Variants in CDH22 observed in about 807,000 individuals in gnomAD.
CDH22 encodes the protein cadherin-22.
A neutral mutation model predicts 58.4 loss-of-function variants in CDH22; 30 were observed. The observed-to-expected ratio is 0.51, with a 90% confidence interval of 0.38 to 0.70. The LOEUF (loss-of-function observed/expected upper bound fraction) is 0.70. Among genes scored for constraint, CDH22 ranks in the 30% least tolerant of loss-of-function variants. The probability of loss-of-function intolerance (pLI) is 0.00; values close to 1 mark genes in which losing one functional copy is unlikely to be tolerated. For synonymous variants in CDH22, 513 were observed against 558.2 expected, an observed-to-expected ratio of 0.92 and a Z score of 1.14; for missense variants, 1,014 against 1,233.9, an observed-to-expected ratio of 0.82 and a Z score of 2.67.
At chr20:46,232,163 T>C (rs369303972) in intron 3 of CDH22, among the ~76,000 whole-genome samples, 153 of 152,162 alleles carry the variant, frequency 1.0e-3, no homozygotes, top group African/African-American at 3.6e-3. Context: ...CCAGAATTCT[T>C]TTTTTTTCTT....
At chr20:46,187,033 C>T in intron 8 of CDH22, 86 bp from the exon 9 acceptor site, 1 of 1,358,740 alleles carries the variant, frequency 7.4e-7, no homozygotes, top group Non-Finnish European at 9.9e-7. Flanking sequence ...CAATAGTAGG[C>T]AGTGGGGTCA....
At chr20:46,250,586 G>T (rs1045259675) in intron 2 of CDH22, among the ~76,000 whole-genome samples, 1 of 152,216 alleles carries the variant, frequency 6.6e-6, no homozygotes, top group Non-Finnish European at 1.5e-5. Context: ...AAGAGCAACG[G>T]AAGGGCAGTG....
At chr20:46,282,169 T>C (rs1421329938) in intron 1 of CDH22, among the ~76,000 whole-genome samples, 1 of 152,190 alleles carries the variant, frequency 6.6e-6, no homozygotes, top group Non-Finnish European at 1.5e-5. Context: ...GCCTGCACCA[T>C]GGTTGGCAAA....
chr20:46,293,276 A>C (rs1285722029), intron 1 of CDH22, among the ~76,000 whole-genome samples: 1 of 152,104 alleles, frequency 6.6e-6, no homozygotes, highest in Non-Finnish European at 1.5e-5. Context: ...GCAACCAGAC[A>C]CTTTATAAAA....
intron 3 of CDH22, among the ~76,000 whole-genome samples, chr20:46,231,003 G>A (rs1287870082): frequency 6.6e-6 from 1 of 152,192 alleles, no homozygotes; most frequent in Admixed American, 6.5e-5. Context: ...CAGAGAGAGG[G>A]AGGACTCAGA....
chr20:46,181,007 T>C (rs1156573426), intron 10 of CDH22, among the ~76,000 whole-genome samples: 1 of 151,388 alleles, frequency 6.6e-6, no homozygotes, highest in African/African-American at 2.4e-5. Context: ...GGTCTCGAAC[T>C]CCTGGGGCTC....
At position 46,195,427 on chromosome 20, in the gene CDH22, A is replaced by T. The variant is rs2085892255; in HGVS notation, c.1423+3996T>A. On this transcript the variant is annotated intron_variant, in intron 8 of 11. Coordinates refer to ENST00000537909, the MANE Select transcript of CDH22 (RefSeq NM_021248.3). The stretch of plus-strand genomic sequence containing the variant: ...GAAGGGAAAAGCAGGGTGCTGTGAG[A>T]CGTGACTTGGCCTGGGGTGACCCAG... Among the ~76,000 whole-genome samples the T allele has an allele frequency of 2.0e-5, 3 of 152,212 alleles. No individual in the cohort carries two copies. In the South Asian group the frequency reaches 6.2e-4, roughly 32 times the overall value.
intron 3 of CDH22, among the ~76,000 whole-genome samples, chr20:46,233,054 T>C (rs1036036092): frequency 5.3e-5 from 8 of 151,848 alleles, no homozygotes; most frequent in African/African-American, 1.7e-4. Flanking sequence ...AGAGGTTAAG[T>C]AGGAAACCAG....
chr20:46,236,521 A>AG (rs2086252820), intron 3 of CDH22, among the ~76,000 whole-genome samples: 1 of 141,386 alleles, frequency 7.1e-6, no homozygotes, highest in Non-Finnish European at 1.5e-5. Context: ...AATTATATAT[A>AG]ATATATAATA....
In CDH22 at chr20:46,174,395, G is replaced by A. The variant is rs2145638729; in HGVS notation, c.*111C>T. 4.2e-6 allele frequency: 3 copies of A among 722,516 alleles called. No homozygotes were observed. Among genetic ancestry groups the A allele is most frequent in the African/African-American group, 3.8e-5 (2 of 52,520 alleles). 44.8% of individuals were successfully genotyped at this position (722,516 alleles called of 1,614,324 possible). ...GTCCCCCCTCCGTCCAGCCGCCAAG[G>A]GAGGGTTGGGGGAGGGCAGGAAAGG... On this transcript the variant is annotated 3_prime_UTR_variant, in exon 12 of 12. Coordinates refer to ENST00000537909, the MANE Select transcript of CDH22 (RefSeq NM_021248.3). This position sits in a 1 kb window ranked among gnomAD's most constrained non-coding sequence, Gnocchi z 4.4.
intron 11 of CDH22, 142 bp downstream of exon 11, chr20:46,177,804 G>A (rs2085751651): frequency 9.2e-7 from 1 of 1,085,778 alleles, no homozygotes; most frequent in East Asian, 2.4e-5. Flanking sequence ...GGGGCTGCTT[G>A]TTAGAGCTTG....
At chr20:46,303,999 C>T (rs1006018407) in intron 1 of CDH22, among the ~76,000 whole-genome samples, 8 of 151,980 alleles carry the variant, frequency 5.3e-5, no homozygotes, top group African/African-American at 1.2e-4. Context: ...GAGAAGGGAT[C>T]GCGAGATGGA....
chr20:46,221,813 C>T lies in CDH22; in HGVS notation c.671-4820G>A, dbSNP rs183169788. Among the ~76,000 whole-genome samples, 3 of 152,270 alleles carry T rather than the reference C, an allele frequency of 2.0e-5. No individual in the cohort carries two copies. The East Asian group carries it at 5.8e-4, about 29-fold the overall frequency. The stretch of plus-strand genomic sequence containing the variant: ...GGAGAAGCACGGTGGAGACTATTGC[C>T]CTCTGAGAGATCTAGGGGTACAAAT... On this transcript the variant is annotated intron_variant, in intron 4 of 11. Coordinates refer to ENST00000537909, the MANE Select transcript of CDH22 (RefSeq NM_021248.3).
rs2085823784 is a variant in CDH22, at chr20:46,186,198, G to A, written c.1663+390C>T. 7.1e-5 allele frequency among the ~76,000 whole-genome samples: 9 copies of A among 127,534 alleles called. No homozygotes were observed. The South Asian group carries it at 2.0e-3, about 28-fold the overall frequency. The allele number at this position is 127,534 out of a possible 152,430, so 83.7% of individuals were successfully genotyped here. A position where few individuals can be genotyped will look rare whatever the true frequency, so the allele number is the denominator to read the frequency against. ...AGCCTGGCTGACAGAGCGAGACCCT[G>A]TCTCAAAAAAAAAAAAAAAAAAATC... On this transcript the variant is annotated intron_variant, in intron 10 of 11. Coordinates refer to ENST00000537909, the MANE Select transcript of CDH22 (RefSeq NM_021248.3).
rs1325134446 is a variant in CDH22, at chr20:46,210,904, A to G, written c.1033-344T>C. Among the ~76,000 whole-genome samples, 1 of 152,214 alleles carries G rather than the reference A, an allele frequency of 6.6e-6. No homozygotes were observed. The highest frequency in any genetic ancestry group is 1.5e-5 in the Non-Finnish European group (1 of 68,046). Reference sequence around the variant, plus strand: ...CCTACTGTGTGCCAGTGCTTTAAGTATATTAACTCAACTTGACATCAACCC... The same window carrying G: ...CCTACTGTGTGCCAGTGCTTTAAGTGTATTAACTCAACTTGACATCAACCC... On this transcript the variant is annotated intron_variant, in intron 6 of 11. Coordinates refer to ENST00000537909, the MANE Select transcript of CDH22 (RefSeq NM_021248.3). This position sits in a 1 kb window ranked among gnomAD's most constrained non-coding sequence, Gnocchi z 4.5.
Position 46,210,158 on chromosome 20 carries a change from G to T in CDH22, c.1286+149C>A. The T allele has an allele frequency of 2.7e-6, 2 of 748,998 alleles. No homozygotes were observed. Among genetic ancestry groups the T allele is most frequent in the Non-Finnish European group, 3.9e-6 (2 of 519,244 alleles). The allele number at this position is 748,998 out of a possible 1,614,324, so 46.4% of individuals were successfully genotyped here. ...GCTCCGTGCCTGTTTCTCTCCACCC[G>T]TGCGCCTCTCTCCGCGCCTCCCTCC... On this transcript the variant is annotated intron_variant, in intron 7 of 11. Coordinates refer to ENST00000537909, the MANE Select transcript of CDH22 (RefSeq NM_021248.3). This position sits in a 1 kb window ranked among gnomAD's most constrained non-coding sequence, Gnocchi z 4.5.
intron 1 of CDH22, among the ~76,000 whole-genome samples, chr20:46,256,332 A>G (rs2145743135): frequency 6.6e-6 from 1 of 152,322 alleles, no homozygotes; most frequent in Non-Finnish European, 1.5e-5. Context: ...TTATCCATCT[A>G]TCATCGTTAT....
intron 10 of CDH22, among the ~76,000 whole-genome samples, chr20:46,184,675 A>G (rs968748702): frequency 2.0e-5 from 3 of 152,034 alleles, no homozygotes; most frequent in African/African-American, 7.2e-5. Context: ...CTCAATAAAC[A>G]CTCACTAAAT....
At chr20:46,304,567 G>A (rs1259626869) in intron 1 of CDH22, among the ~76,000 whole-genome samples, 1 of 152,234 alleles carries the variant, frequency 6.6e-6, no homozygotes, top group Non-Finnish European at 1.5e-5. Flanking sequence ...GATGGCTGAA[G>A]GCTTGTGGGT....
Sources: allele counts gnomAD v4.1 joint callset (sites outside exome capture counted in the v4.1 genomes callset), GRCh38; gene constraint gnomAD v4.1.1; non-coding constraint Gnocchi (gnomAD v3.1); transcripts MANE v1.5; gene names NCBI Gene and HGNC (gene_info 2026-07-23, HGNC 2026-07-21).